Variants in TMEM79 observed in about 807,000 individuals in gnomAD.
TMEM79 encodes mattrin.
TMEM79 carries 30 observed loss-of-function variants against 31.2 expected under a neutral mutation model. The observed-to-expected ratio is 0.96, with a 90% CI of 0.72 to 1.30. TMEM79 has a LOEUF of 1.30. Ranked by LOEUF, TMEM79 falls within the 50% of genes most tolerant of loss-of-function variation. TMEM79 has a pLI of 0.00. For missense variants in TMEM79, 509 were observed against 528.2 expected (o/e 0.96, Z 0.36); for synonymous variants, 213 against 229.5 (o/e 0.93, Z 0.65).
intron 3 of TMEM79, 28 bp from the exon 4 acceptor site, chr1:156,291,357 T>A: frequency 6.2e-7 from 1 of 1,606,224 alleles, no homozygotes; most frequent in Non-Finnish European, 8.5e-7. Flanking sequence ...CCCTCGAGAG[T>A]AGCCTGACCC....
chr1:156,285,664 C>T lies in TMEM79; in HGVS notation c.438C>T (p.Ile146=), dbSNP rs1249574827. ...CIERQPQEDL[I]VRCEAGEGEC... ...AGCGGCAGCCCCAAGAAGACCTTATCGTGCGCTGTGAGGCAGGCGAGGGCG... is the reference window on the plus strand; with the variant it reads ...AGCGGCAGCCCCAAGAAGACCTTATTGTGCGCTGTGAGGCAGGCGAGGGCG... The change falls in exon 2 of 4, where the codon ATC becomes ATT. Residue 146 remains isoleucine (I), a synonymous_variant. Coordinates refer to ENST00000405535, the MANE Select transcript of TMEM79 (RefSeq NM_032323.3). 13 of 1,613,844 alleles carry T rather than the reference C, an allele frequency of 8.1e-6. No individual in the cohort carries two copies. The Admixed American group carries it at 1.2e-4, about 14-fold the overall frequency.
chr1:156,285,947 C>A lies in TMEM79; in HGVS notation c.721C>A (p.Arg241Ser), dbSNP rs766683496. 2 of 1,611,502 alleles carry A rather than the reference C, an allele frequency of 1.2e-6. No homozygotes were observed. Among genetic ancestry groups the A allele is most frequent in the African/African-American group, 1.3e-5 (1 of 74,916 alleles). ...TMSSRLIYTL[R>S]CGVFATFPIV... ...GAGTTCCCGCCTGATCTACACACTG[C>A]GCTGCGGGGTCTTTGCCACCTTCCC... Residue 241 changes from arginine (R) to serine (S), a missense_variant, in exon 2 of 4, where the codon CGC (arginine) becomes AGC (serine). Transcript: ENST00000405535.
In TMEM79 at chr1:156,291,624, A is replaced by T; in HGVS notation, c.*26A>T. ...GCCTCTCCGCCCTCGCCCTCGGAGT[A>T]GGGGGTAGCGGCTTGGGTCTGACAC... On this transcript the variant is annotated 3_prime_UTR_variant, in exon 4 of 4. Transcript: ENST00000405535. 1 of 1,605,248 alleles carries T rather than the reference A, an allele frequency of 6.2e-7. No homozygotes were observed. The highest frequency in any genetic ancestry group is 2.2e-5 in the East Asian group (1 of 44,806).
rs750272261 is a variant in TMEM79 at position 156,286,302 on chromosome 1, T to C, written c.800T>C (p.Leu267Pro). The stretch of plus-strand genomic sequence containing the variant: ...CTGAGCCTGTTATGCTTTTCTGCCC[T>C]TCGGCCCTTTGGGGAGCCACGGCGG... Reference protein sequence around the residue: ...YGLSLLCFSALRPFGEPRREV... With the variant: ...YGLSLLCFSAPRPFGEPRREV... Residue 267 changes from leucine (L) to proline (P), a missense_variant, in exon 3 of 4, where the codon CTT becomes CCT. Leu to Pro is a moderately conservative substitution (Grantham distance 98, BLOSUM62 -3). Coordinates refer to ENST00000405535, the MANE Select transcript of TMEM79 (RefSeq NM_032323.3). 6.2e-7 allele frequency: 1 copy of C among 1,614,238 alleles called. No individual in the cohort carries two copies. The highest frequency in any genetic ancestry group is 8.5e-7 in the Non-Finnish European group (1 of 1,180,040).
chr1:156,289,263 A>G (rs2101592278), intron 3 of TMEM79, among the ~76,000 whole-genome samples: 1 of 152,310 alleles, frequency 6.6e-6, no homozygotes, highest in Middle Eastern at 3.4e-3. Flanking sequence ...TCATGAGGTC[A>G]GGAGATCGAG....
In TMEM79 at chr1:156,285,576, A is replaced by C; in HGVS notation, c.350A>C (p.Asp117Ala). 6.2e-7 allele frequency: 1 copy of C among 1,614,230 alleles called. No homozygotes were observed. The highest frequency in any genetic ancestry group is 1.1e-5 in the South Asian group (1 of 91,092). ...LTKLEELPED[D>A]ANLLPEKAAR... ...AAGCTAGAGGAGCTGCCCGAAGACG[A>C]TGCCAACCTGCTGCCTGAGAAAGCG... Residue 117 changes from aspartate (D) to alanine (A), a missense_variant, in exon 2 of 4, where the codon GAT becomes GCT. Transcript: ENST00000405535.
intron 3 of TMEM79, 76 bp from the exon 4 acceptor site, chr1:156,291,309 C>A: frequency 7.2e-7 from 1 of 1,383,798 alleles, no homozygotes; most frequent in Non-Finnish European, 1.0e-6. Flanking sequence ...TATCTACTCC[C>A]CCCACCGTCA....
intron 3 of TMEM79, among the ~76,000 whole-genome samples, chr1:156,286,842 G>A (rs559586685): frequency 2.8e-4 from 42 of 152,368 alleles, no homozygotes; most frequent in Admixed American, 2.7e-3. Context: ...ATAGAGACAA[G>A]GCTGGGTGCA....
In TMEM79 at chr1:156,285,236, C is replaced by G; in HGVS notation, c.10C>G (p.Gln4Glu). 6.5e-7 allele frequency: 1 copy of G among 1,533,916 alleles called. No homozygotes were observed. Residue 4 changes from glutamine to glutamate, a missense_variant, in exon 2 of 4, where the codon CAG becomes GAG. Physicochemically the swap from Gln to Glu is conservative, Grantham distance 29 (BLOSUM62 2). Coordinates refer to ENST00000405535, the MANE Select transcript of TMEM79 (RefSeq NM_032323.3). The stretch of plus-strand genomic sequence containing the variant: ...GAACTGAGGCCCCAGGATGACAGAA[C>G]AGGAGACCCTGGCCCTACTGGAAGT... MTE[Q>E]ETLALLEVKR... is the part of the protein sequence containing the mutation.
intron 3 of TMEM79, chr1:156,290,960 A>G (rs899630251): frequency 5.5e-6 from 1 of 183,384 alleles, no homozygotes; most frequent in African/African-American, 2.4e-5. Context: ...TACTATACTC[A>G]TTGAATTTGC....
chr1:156,289,651 G>T (rs1181165930), intron 3 of TMEM79, among the ~76,000 whole-genome samples: 1 of 152,080 alleles, frequency 6.6e-6, no homozygotes, highest in Non-Finnish European at 1.5e-5. Flanking sequence ...TCTGGTACTT[G>T]GTTCATTATA....
intron 3 of TMEM79, chr1:156,290,059 G>C (rs1300409116): frequency 1.3e-5 from 2 of 152,166 alleles, no homozygotes; most frequent in African/African-American, 4.8e-5. Context: ...TCATCTGCAA[G>C]AGGATAAATA....
At position 156,286,454 on chromosome 1, in the gene TMEM79, GGTCTCTTTGCC is replaced by G; in HGVS notation, c.958_968del (p.Phe320ProfsTer92). The G allele has an allele frequency of 6.2e-7, 1 of 1,614,134 alleles. No individual in the cohort carries two copies. Among genetic ancestry groups the G allele is most frequent in the Non-Finnish European group, 8.5e-7 (1 of 1,180,008 alleles). ...CCTCAAACTGCTCCCTCTGCTCACT[GGTCTCTTTGCC>G]GTCTCCCGGTAAGTTGGGGCAGAGG... On this transcript the variant is annotated frameshift_variant, in exon 3 of 4. Coordinates refer to ENST00000405535, the MANE Select transcript of TMEM79 (RefSeq NM_032323.3). LOFTEE classifies it high-confidence loss of function.
chr1:156,291,136 A>G (rs1310567256), intron 3 of TMEM79: 1 of 504,460 alleles, frequency 2.0e-6, no homozygotes, highest in Non-Finnish European at 3.5e-6. Context: ...TCGAAAAGTA[A>G]ATAAAAGAGG....
rs1420789936 is a variant in TMEM79, at chr1:156,291,748, G to A, written c.*150G>A. ...GCCCCAACAGGGACTCCAATCAATC[G>A]GAGTTCTCCCCTTGCCGGAGCTGCC... On this transcript the variant is annotated 3_prime_UTR_variant, in exon 4 of 4. Transcript: ENST00000405535. 4 of 680,252 alleles carry A rather than the reference G, an allele frequency of 5.9e-6. No individual in the cohort carries two copies. The highest frequency in any genetic ancestry group is 7.6e-6 in the Non-Finnish European group (3 of 393,430). 42.1% of individuals were successfully genotyped at this position (680,252 alleles called of 1,614,324 possible). A position where few individuals can be genotyped will look rare whatever the true frequency, so the allele number is the denominator to read the frequency against.
At chr1:156,288,045 T>C (rs1422730547) in intron 3 of TMEM79, among the ~76,000 whole-genome samples, 1 of 151,912 alleles carries the variant, frequency 6.6e-6, no homozygotes, top group Non-Finnish European at 1.5e-5. Flanking sequence ...AAACCCCGTC[T>C]CTATTAAAAA....
Position 156,285,206 on chromosome 1 carries a change from T to C in TMEM79, c.-21T>C. ...CAGGATGACATGACCTTGTGGTAGA[T>C]CCCAGAACTGAGGCCCCAGGATGAC... is the stretch of plus-strand genomic sequence containing the variant. On this transcript the variant is annotated 5_prime_UTR_variant, in exon 2 of 4. Coordinates refer to ENST00000405535, the MANE Select transcript of TMEM79 (RefSeq NM_032323.3). 6.6e-7 allele frequency: 1 copy of C among 1,522,780 alleles called. No homozygotes were observed. 94.3% of individuals were successfully genotyped at this position (1,522,780 alleles called of 1,614,324 possible).
At chr1:156,287,631 T>A (rs867517809) in intron 3 of TMEM79, among the ~76,000 whole-genome samples, 33 of 119,536 alleles carry the variant, frequency 2.8e-4, no homozygotes, top group African/African-American at 9.2e-4. Context: ...TTTTTTTTTT[T>A]GAGACAGTGT....
In TMEM79 at chr1:156,285,669, G is replaced by A. The variant is rs541262330; in HGVS notation, c.443G>A (p.Arg148His). 1.1e-5 allele frequency: 18 copies of A among 1,613,872 alleles called. No homozygotes were observed. The highest frequency in any genetic ancestry group is 4.4e-5 in the South Asian group (4 of 91,086). Residue 148 changes from arginine to histidine, a missense_variant, in exon 2 of 4, where the codon CGC becomes CAC. By Grantham distance (29) the Arg-to-His change is conservative. Transcript: ENST00000405535. ...CAGCCCCAAGAAGACCTTATCGTGC[G>A]CTGTGAGGCAGGCGAGGGCGAGTGC... ...ERQPQEDLIV[R>H]CEAGEGECRT...
Sources: gnomAD v4.1 joint callset for allele counts (sites outside exome capture counted in the v4.1 genomes callset) on GRCh38, gnomAD v4.1.1 for gene constraint, MANE v1.5 for transcripts, NCBI Gene and HGNC (gene_info 2026-07-23, HGNC 2026-07-21) for gene names.